TNXB: variants seen among roughly 807,000 people sequenced by gnomAD.
The protein encoded by TNXB is tenascin-X.
In TNXB, 183 loss-of-function variants were observed where a neutral mutation model predicts 340.5. The observed-to-expected ratio is 0.54, with a 90% CI of 0.48 to 0.61. The LOEUF (loss-of-function observed/expected upper bound fraction) is 0.61, where lower values mean the gene tolerates loss of function less well. Among genes scored for constraint, TNXB ranks in the 20% least tolerant of loss-of-function variants. The pLI is 0.00. For missense variants in TNXB, 4,613 were observed against 5,446.4 expected (o/e 0.85, Z 4.82); for synonymous variants, 2,121 against 2,314.5 (o/e 0.92, Z 2.40).
Position 32,095,608 on chromosome 6 carries a change from C to A in TNXB, c.2242+3G>T. 1 of 1,607,494 alleles carries A rather than the reference C, an allele frequency of 6.2e-7. No individual in the cohort carries two copies. The highest frequency in any genetic ancestry group is 1.1e-5 in the South Asian group (1 of 90,658). The stretch of plus-strand genomic sequence containing the variant: ...AGTACACTGGGGAAGGCTGCCTGCT[C>A]ACCTTCTCCGCAGTCTTCGCCAGCA... On this transcript the variant is annotated splice_donor_region_variant and intron_variant, in intron 3 of 43. Coordinates refer to ENST00000644971, the MANE Select transcript of TNXB (RefSeq NM_001365276.2).
chr6:32,065,785 G>A (rs886780777), intron 18 of TNXB, among the ~76,000 whole-genome samples: 1 of 151,746 alleles, frequency 6.6e-6, no homozygotes, highest in South Asian at 2.1e-4. Context: ...ACCACGCTCC[G>A]CTTTTTTGTA....
Position 32,067,912 on chromosome 6 carries a change from A to G in TNXB, c.6293T>C (p.Leu2098Pro), listed in dbSNP as rs1173732835. ...GGATCCTGTCACTGTTAGCTCCCCCAGGAGCGGCTCCTCAGCGGGCTCCGG... is the reference window on the plus strand; with the variant it reads ...GGATCCTGTCACTGTTAGCTCCCCCGGGAGCGGCTCCTCAGCGGGCTCCGG... ...EAPEPAEEPL[L>P]GELTVTGSSP... The change falls in exon 18 of 44, where the codon CTG becomes CCG. Residue 2098 changes from leucine (L) to proline (P), a missense_variant. By Grantham distance (98) the Leu-to-Pro change is moderately conservative. Coordinates refer to ENST00000644971, the MANE Select transcript of TNXB (RefSeq NM_001365276.2). This position sits in a 1 kb window ranked among gnomAD's most constrained non-coding sequence, Gnocchi z 4.2. 6.2e-7 allele frequency: 1 copy of G among 1,612,500 alleles called. No individual in the cohort carries two copies. Among genetic ancestry groups the G allele is most frequent in the African/African-American group, 1.3e-5 (1 of 74,880 alleles).
chr6:32,075,484 T>C lies in TNXB; in HGVS notation c.4376-1532A>G, dbSNP rs921278252. ...CTTTCCCCAAAGGCCTAGGTGGCTG[T>C]CCTCTCACCTCCTTCAGGGCTTTCC... is the stretch of plus-strand genomic sequence containing the variant. On this transcript the variant is annotated intron_variant, in intron 11 of 43. Coordinates refer to ENST00000644971, the MANE Select transcript of TNXB (RefSeq NM_001365276.2). The surrounding 1 kb of genome is among the most constrained non-coding windows in gnomAD (Gnocchi z 4.6). Among the ~76,000 whole-genome samples, 2 of 152,252 alleles carry C rather than the reference T, an allele frequency of 1.3e-5. No homozygotes were observed. Among genetic ancestry groups the C allele is most frequent in the African/African-American group, 4.8e-5 (2 of 41,466 alleles).
chr6:32,049,154 T>G lies in TNXB; in HGVS notation c.9757+116A>C. 1.5e-6 allele frequency: 2 copies of G among 1,363,098 alleles called. No individual in the cohort carries two copies. The highest frequency in any genetic ancestry group is 1.9e-6 in the Non-Finnish European group (2 of 1,028,466). 84.4% of individuals were successfully genotyped at this position (1,363,098 alleles called of 1,614,324 possible). A position where few individuals can be genotyped will look rare whatever the true frequency, so the allele number is the denominator to read the frequency against. ...GGATGAGGCAGGATCATTAGCAACATGGGAGAAAAGACAGAAACCTAGAGG... is the reference window on the plus strand; with the variant it reads ...GGATGAGGCAGGATCATTAGCAACAGGGGAGAAAAGACAGAAACCTAGAGG... On this transcript the variant is annotated intron_variant, in intron 28 of 43. Transcript: ENST00000644971. This position sits in a 1 kb window ranked among gnomAD's most constrained non-coding sequence, Gnocchi z 4.5.
At chr6:32,095,389 CCTAAA>C (rs1780273182) in intron 3 of TNXB, among the ~76,000 whole-genome samples, 198 bp from the exon 4 acceptor site, 1 of 152,148 alleles carries the variant, frequency 6.6e-6, no homozygotes, top group African/African-American at 2.4e-5. Flanking sequence ...ACAGAATCTC[CCTAAA>C]TGCAACTAAA....
chr6:32,054,322 C>T (rs1214377090), intron 24 of TNXB, among the ~76,000 whole-genome samples: 1 of 152,208 alleles, frequency 6.6e-6, no homozygotes, highest in African/African-American at 2.4e-5. Flanking sequence ...TTCACACAGG[C>T]ACAGCTGCTG....
At position 32,069,038 on chromosome 6, in the gene TNXB, T is replaced by C. The variant is rs754736520; in HGVS notation, c.5686A>G (p.Thr1896Ala). ...GTCACCATCCAGGAGAGATGCAGGG[T>C]GTGTGACGTGGCCTCCTCCACTGTC... Reference protein sequence around the residue: ...ELTVEEATSHTLHLSWMVTEG... With the variant: ...ELTVEEATSHALHLSWMVTEG... The change falls in exon 16 of 44, where the codon ACC (threonine) becomes GCC (alanine). Residue 1896 changes from threonine to alanine, a missense_variant. Around this residue, in one of 7 missense-constraint regions of TNXB, gnomAD observed 4,327 missense variants for 4,859.4 expected, o/e 0.89. Coordinates refer to ENST00000644971, the MANE Select transcript of TNXB (RefSeq NM_001365276.2). This position sits in a 1 kb window ranked among gnomAD's most constrained non-coding sequence, Gnocchi z 6.2. 1 of 1,612,634 alleles carries C rather than the reference T, an allele frequency of 6.2e-7. No homozygotes were observed. The highest frequency in any genetic ancestry group is 1.1e-5 in the South Asian group (1 of 91,062).
chr6:32,049,945 C>A lies in TNXB; in HGVS notation c.9439+53G>T, dbSNP rs1193322949. 1 of 1,609,406 alleles carries A rather than the reference C, an allele frequency of 6.2e-7. No homozygotes were observed. Among genetic ancestry groups the A allele is most frequent in the African/African-American group, 1.3e-5 (1 of 74,852 alleles). On this transcript the variant is annotated intron_variant, in intron 27 of 43. Coordinates refer to ENST00000644971, the MANE Select transcript of TNXB (RefSeq NM_001365276.2). This position sits in a 1 kb window ranked among gnomAD's most constrained non-coding sequence, Gnocchi z 4.5. ...TTCCCCACCAGTCATCACCAAAGAG[C>A]AAGAGGTGGCCCTCCCACAGCTCCC...
At chr6:32,100,993 C>T (rs1780690053) in intron 1 of TNXB, among the ~76,000 whole-genome samples, 1 of 141,836 alleles carries the variant, frequency 7.1e-6, no homozygotes, top group Non-Finnish European at 1.5e-5. Flanking sequence ...GGAGGAGAAT[C>T]GCTTGAAACT....
rs1039504571 is a variant in TNXB at position 32,046,432 on chromosome 6, G to C, written c.10349C>G (p.Pro3450Arg). Residue 3450 changes from proline to arginine, a missense_variant, in exon 31 of 44, where the codon CCC becomes CGC. This residue lies in a region of TNXB where 4,327 missense variants were observed against 4,859.4 expected (regional missense o/e 0.89). Coordinates refer to ENST00000644971, the MANE Select transcript of TNXB (RefSeq NM_001365276.2). This position sits in a 1 kb window ranked among gnomAD's most constrained non-coding sequence, Gnocchi z 6.9. ...TTAPLEKELP[P>R]HLGELTVAEE... ...AGCCACGGTCAGTTCCCCCAGGTGG[G>C]GAGGTAGCTCCTTCTCCAGGGGAGC... 4 of 1,576,102 alleles carry C rather than the reference G, an allele frequency of 2.5e-6. No individual in the cohort carries two copies. The highest frequency in any genetic ancestry group is 1.3e-5 in the African/African-American group (1 of 74,522).
In TNXB at chr6:32,082,289, G is replaced by GC. The variant is rs762612860; in HGVS notation, c.3482_3483insG (p.His1161GlnfsTer23). The stretch of plus-strand genomic sequence containing the variant: ...GGTCTGTCACCCACAGGTTTCCCAG[G>GC]TGGGGTGGAGTCCCTGGACTTGGGT... On this transcript the variant is annotated frameshift_variant, in exon 9 of 44. Coordinates refer to ENST00000644971, the MANE Select transcript of TNXB (RefSeq NM_001365276.2). LOFTEE classifies it high-confidence loss of function. This position sits in a 1 kb window ranked among gnomAD's most constrained non-coding sequence, Gnocchi z 5.0. 6.2e-7 allele frequency: 1 copy of GC among 1,603,330 alleles called. No homozygotes were observed. The highest frequency in any genetic ancestry group is 8.5e-7 in the Non-Finnish European group (1 of 1,174,252).
At position 32,089,131 on chromosome 6, in the gene TNXB, C is replaced by G; in HGVS notation, c.2516-83G>C. The G allele has an allele frequency of 1.9e-6, 3 of 1,573,698 alleles. No individual in the cohort carries two copies. In the South Asian group the frequency reaches 3.6e-5, roughly 19 times the overall value. On this transcript the variant is annotated intron_variant, in intron 5 of 43. Transcript: ENST00000644971. This position sits in a 1 kb window ranked among gnomAD's most constrained non-coding sequence, Gnocchi z 6.2. ...TCCTTCCAAGAGCCTAGCCCCCATC[C>G]AGCCCCTTCCTTCTGCCCTCCCGGA...
In TNXB at chr6:32,084,274, A is replaced by G. The variant is rs1779639338; in HGVS notation, c.3445+139T>C. On this transcript the variant is annotated intron_variant, in intron 8 of 43. Coordinates refer to ENST00000644971, the MANE Select transcript of TNXB (RefSeq NM_001365276.2). This position sits in a 1 kb window ranked among gnomAD's most constrained non-coding sequence, Gnocchi z 5.5. Reference sequence around the variant, plus strand: ...TCTCAAACTCTTTGCCTGCCCCACCACTACTTTCCCTTCAGAATTCAGCTC... The same window carrying G: ...TCTCAAACTCTTTGCCTGCCCCACCGCTACTTTCCCTTCAGAATTCAGCTC... 2 of 827,842 alleles carry G rather than the reference A, an allele frequency of 2.4e-6. No individual in the cohort carries two copies. Among genetic ancestry groups the G allele is most frequent in the Non-Finnish European group, 3.5e-6 (2 of 564,294 alleles). The allele number at this position is 827,842 out of a possible 1,614,324, so 51.3% of individuals were successfully genotyped here. A position where few individuals can be genotyped will look rare whatever the true frequency, so the allele number is the denominator to read the frequency against.
chr6:32,079,487 T>C lies in TNXB; in HGVS notation c.4043-122A>G. On this transcript the variant is annotated intron_variant, in intron 10 of 43. Transcript: ENST00000644971. This position sits in a 1 kb window ranked among gnomAD's most constrained non-coding sequence, Gnocchi z 7.1. ...GCTCTGTAGCCTTTGTATTTGCCAT[T>C]CGGTCACTCACGGATGGAGAAGGCT... The C allele has an allele frequency of 1.2e-6, 1 of 834,344 alleles. No homozygotes were observed. Among genetic ancestry groups the C allele is most frequent in the Non-Finnish European group, 1.8e-6 (1 of 546,384 alleles). 51.7% of individuals were successfully genotyped at this position (834,344 alleles called of 1,614,324 possible).
intron 4 of TNXB, among the ~76,000 whole-genome samples, chr6:32,091,855 C>A (rs1395041172): frequency 2.0e-5 from 3 of 152,190 alleles, no homozygotes; most frequent in Non-Finnish European, 4.4e-5. Context: ...TCTACCTTGG[C>A]TGGTCCTTGG....
rs886907016 is a variant in TNXB at position 32,108,105 on chromosome 6, G to A, written c.-9+1076C>T. Among the ~76,000 whole-genome samples the A allele has an allele frequency of 6.6e-6, 1 of 152,162 alleles. No individual in the cohort carries two copies. Among genetic ancestry groups the A allele is most frequent in the African/African-American group, 2.4e-5 (1 of 41,430 alleles). ...CCTGCACCTAGTGGCTAGGTCTGGA[G>A]TGAGCAAAGGAAGTTTGAGGAATTG... On this transcript the variant is annotated intron_variant, in intron 1 of 43. Transcript: ENST00000644971. This position sits in a 1 kb window ranked among gnomAD's most constrained non-coding sequence, Gnocchi z 4.8.
chr6:32,097,743 G>C lies in TNXB; in HGVS notation c.403+53C>G. 2 of 1,485,376 alleles carry C rather than the reference G, an allele frequency of 1.3e-6. No individual in the cohort carries two copies. The highest frequency in any genetic ancestry group is 2.9e-5 in the South Asian group (2 of 68,618). 92.0% of individuals were successfully genotyped at this position (1,485,376 alleles called of 1,614,324 possible). On this transcript the variant is annotated intron_variant, in intron 2 of 43. Coordinates refer to ENST00000644971, the MANE Select transcript of TNXB (RefSeq NM_001365276.2). This position sits in a 1 kb window ranked among gnomAD's most constrained non-coding sequence, Gnocchi z 5.9. ...TCATACCAAGGACCTTTATGGACTAGCAATGCCCACCCCACCCCACCTCTC... is the reference window on the plus strand; with the variant it reads ...TCATACCAAGGACCTTTATGGACTACCAATGCCCACCCCACCCCACCTCTC...
chr6:32,052,666 T>C lies in TNXB; in HGVS notation c.9115+4A>G. ...CCCACCTCGCCTCACTCACACTTAC[T>C]CACCTGTCACACCCACAGCGGACAC... is the stretch of plus-strand genomic sequence containing the variant. On this transcript the variant is annotated splice_donor_region_variant and intron_variant, in intron 26 of 43. Coordinates refer to ENST00000644971, the MANE Select transcript of TNXB (RefSeq NM_001365276.2). The surrounding 1 kb of genome is among the most constrained non-coding windows in gnomAD (Gnocchi z 4.7). The C allele has an allele frequency of 6.2e-7, 1 of 1,611,712 alleles. No individual in the cohort carries two copies. Among genetic ancestry groups the C allele is most frequent in the Non-Finnish European group, 8.5e-7 (1 of 1,178,382 alleles).
In TNXB at chr6:32,046,436, G is replaced by A; in HGVS notation, c.10345C>T (p.Pro3449Ser). ...ACGGTCAGTTCCCCCAGGTGGGGAG[G>A]TAGCTCCTTCTCCAGGGGAGCTGTG... ...STTAPLEKEL[P>S]PHLGELTVAE... The change falls in exon 31 of 44, where the codon CCT becomes TCT. Residue 3449 changes from proline (P) to serine (S), a missense_variant. Coordinates refer to ENST00000644971, the MANE Select transcript of TNXB (RefSeq NM_001365276.2). The surrounding 1 kb of genome is among the most constrained non-coding windows in gnomAD (Gnocchi z 6.9). The A allele has an allele frequency of 6.3e-7, 1 of 1,575,428 alleles. No homozygotes were observed. Among genetic ancestry groups the A allele is most frequent in the South Asian group, 1.1e-5 (1 of 88,386 alleles).
Sources: gnomAD v4.1 joint callset for allele counts (sites outside exome capture counted in the v4.1 genomes callset) on GRCh38, gnomAD v4.1.1 for gene constraint, gnomAD v4.1.1 regional missense constraint, Gnocchi (gnomAD v3.1) non-coding constraint, MANE v1.5 for transcripts, NCBI Gene and HGNC (gene_info 2026-07-23, HGNC 2026-07-21) for gene names.